The following PPP1R9A variants were observed in gnomAD, a reference collection of about 807,000 sequenced individuals.
PPP1R9A encodes the protein protein phosphatase 1 regulatory subunit 9A, also known as neurabin-1.
In PPP1R9A, 59 loss-of-function variants were observed where a neutral mutation model predicts 141.9. The observed-to-expected ratio is 0.42, with a 90% CI of 0.34 to 0.52. PPP1R9A has a LOEUF of 0.52. Among genes scored for constraint, PPP1R9A ranks in the 20% least tolerant of loss-of-function variants. PPP1R9A has a pLI of 0.10. For synonymous variants in PPP1R9A, 500 were observed against 569.7 expected (o/e 0.88, Z 1.74); for missense variants, 1,444 against 1,611.9 (o/e 0.90, Z 1.78).
Position 95,273,934 on chromosome 7 carries a change from A to T in PPP1R9A, c.3160A>T (p.Ser1054Cys). 1 of 1,505,718 alleles carries T rather than the reference A, an allele frequency of 6.6e-7. No individual in the cohort carries two copies. Among genetic ancestry groups the T allele is most frequent in the East Asian group, 2.3e-5 (1 of 44,334 alleles). 93.3% of individuals were successfully genotyped at this position (1,505,718 alleles called of 1,614,324 possible). The change falls in exon 15 of 20, where the codon AGT becomes TGT. Residue 1054 changes from serine (S) to cysteine (C), a missense_variant. Physicochemically the swap from Ser to Cys is moderately radical, Grantham distance 112 (BLOSUM62 -1). Around this residue, in one of 5 missense-constraint regions of PPP1R9A, gnomAD observed 459 missense variants for 513.8 expected, o/e 0.89. Coordinates refer to ENST00000433360, the MANE Select transcript of PPP1R9A (RefSeq NM_001166160.2). ...AKDPKSLRASSSLAVQGGKIK... is the reference protein window; with the variant it reads ...AKDPKSLRASCSLAVQGGKIK... ...AGATCCCAAATCACTAAGGGCATCC[A>T]GTTCATTGGCGGTGCAAGGAGGAAA...
intron 4 of PPP1R9A, among the ~76,000 whole-genome samples, chr7:95,144,949 C>T (rs1714026634): frequency 6.6e-6 from 1 of 152,122 alleles, no homozygotes; most frequent in Admixed American, 6.6e-5. Context: ...TAACAGTGAA[C>T]TACCTGAAAA....
intron 5 of PPP1R9A, among the ~76,000 whole-genome samples, chr7:95,186,432 TTCTAGGTAAACGATCA>T: frequency 6.6e-6 from 1 of 152,256 alleles, no homozygotes; most frequent in South Asian, 2.1e-4. Flanking sequence ...ATTTAGTGTT[TTCTAGGTAAACGATCA>T]TATCATCTGC....
chr7:95,251,707 G>T, intron 10 of PPP1R9A, 55 bp from the exon 11 acceptor site: 1 of 1,499,526 alleles, frequency 6.7e-7, no homozygotes, highest in South Asian at 1.2e-5. Flanking sequence ...TTTCAGATAA[G>T]AACTTTCATT....
chr7:95,191,983 G>T (rs1450605762), intron 5 of PPP1R9A, among the ~76,000 whole-genome samples: 1 of 151,986 alleles, frequency 6.6e-6, no homozygotes, highest in East Asian at 1.9e-4. Context: ...ACATATTTAG[G>T]ACTGATTATT....
At chr7:95,210,958 G>A (rs1380716713) in intron 7 of PPP1R9A, among the ~76,000 whole-genome samples, 1 of 151,922 alleles carries the variant, frequency 6.6e-6, no homozygotes, top group Non-Finnish European at 1.5e-5. Context: ...GAGAACACAC[G>A]GACACAGGGA....
chr7:94,945,642 A>G (rs1249087235), intron 2 of PPP1R9A, among the ~76,000 whole-genome samples: 3 of 152,060 alleles, frequency 2.0e-5, no homozygotes, highest in Non-Finnish European at 4.4e-5. Flanking sequence ...CTAAATATTT[A>G]TGAATATATG....
intron 2 of PPP1R9A, among the ~76,000 whole-genome samples, chr7:94,912,525 T>C (rs550279692): frequency 1.6e-3 from 244 of 152,308 alleles, no homozygotes; most frequent in Non-Finnish European, 2.2e-3. Context: ...TATGATAGAC[T>C]TGGAATTTGA....
At chr7:95,200,624 T>C (rs998533148) in intron 6 of PPP1R9A, among the ~76,000 whole-genome samples, 2 of 152,126 alleles carry the variant, frequency 1.3e-5, no homozygotes, top group African/African-American at 4.8e-5. Context: ...GGAAAAAGAA[T>C]AGTTTTTACT....
At chr7:94,950,072 A>G (rs1796308953) in intron 2 of PPP1R9A, among the ~76,000 whole-genome samples, 1 of 152,086 alleles carries the variant, frequency 6.6e-6, no homozygotes, top group South Asian at 2.1e-4. Flanking sequence ...TCTATTGCAC[A>G]AGAAGAATAA....
chr7:94,943,586 AAGG>A (rs1322263740), intron 2 of PPP1R9A, among the ~76,000 whole-genome samples: 1 of 150,388 alleles, frequency 6.6e-6, no homozygotes, highest in Non-Finnish European at 1.5e-5. Context: ...AGCTGTCTAA[AAGG>A]AGAGGTCTTG....
At chr7:94,975,107 T>C (rs961815740) in intron 2 of PPP1R9A, among the ~76,000 whole-genome samples, 2 of 152,132 alleles carry the variant, frequency 1.3e-5, no homozygotes, top group East Asian at 3.8e-4. Context: ...GGAAAAAAAA[T>C]ACTGTGTTGC....
intron 5 of PPP1R9A, among the ~76,000 whole-genome samples, chr7:95,164,840 A>T (rs1181464967): frequency 7.0e-6 from 1 of 142,308 alleles, no homozygotes; most frequent in Non-Finnish European, 1.5e-5. Context: ...CTCTCTTCCT[A>T]GAGCTTAAGA....
intron 2 of PPP1R9A, among the ~76,000 whole-genome samples, chr7:94,920,654 G>A (rs1164528372): frequency 6.6e-6 from 1 of 152,118 alleles, no homozygotes; most frequent in Non-Finnish European, 1.5e-5. Context: ...TTTGTGCCGG[G>A]GAAAGCTAAT....
chr7:95,146,014 A>G (rs1222382064), intron 4 of PPP1R9A, among the ~76,000 whole-genome samples: 2 of 152,102 alleles, frequency 1.3e-5, no homozygotes, highest in Non-Finnish European at 2.9e-5. Flanking sequence ...GGTATATACC[A>G]AGTAATGGGA....
At chr7:95,189,678 C>T (rs1288700452) in intron 5 of PPP1R9A, among the ~76,000 whole-genome samples, 5 of 151,764 alleles carry the variant, frequency 3.3e-5, no homozygotes, top group South Asian at 2.1e-4. Flanking sequence ...CCTCGTGATC[C>T]GCCTGCCTCG....
At chr7:95,236,668 T>C (rs1796715762) in intron 8 of PPP1R9A, among the ~76,000 whole-genome samples, 1 of 151,650 alleles carries the variant, frequency 6.6e-6, no homozygotes, top group Non-Finnish European at 1.5e-5. Context: ...GCTTTTTAGT[T>C]CCTAATTGTT....
intron 4 of PPP1R9A, among the ~76,000 whole-genome samples, chr7:95,134,605 T>G (rs1260223308): frequency 6.6e-6 from 1 of 152,088 alleles, no homozygotes; most frequent in East Asian, 1.9e-4. Flanking sequence ...CCAGCTAGTT[T>G]TGTATTTTTA....
At chr7:94,980,754 TA>T (rs1444837865) in intron 2 of PPP1R9A, among the ~76,000 whole-genome samples, 1 of 152,116 alleles carries the variant, frequency 6.6e-6, no homozygotes, top group East Asian at 1.9e-4. Context: ...ACAGTGTACA[TA>T]AAAATAACTT....
intron 12 of PPP1R9A, among the ~76,000 whole-genome samples, chr7:95,258,905 C>G (rs1482198331): frequency 1.3e-5 from 2 of 152,070 alleles, no homozygotes; most frequent in Non-Finnish European, 2.9e-5. Context: ...TGTGAAAATC[C>G]TATGGCCCGA....
Sources: allele counts gnomAD v4.1 joint callset (sites outside exome capture counted in the v4.1 genomes callset), GRCh38; gene constraint gnomAD v4.1.1; regional missense constraint gnomAD v4.1.1; transcripts MANE v1.5; gene names NCBI Gene and HGNC (gene_info 2026-07-23, HGNC 2026-07-21).